Variants in CACNA1E observed in about 807,000 individuals in gnomAD.
CACNA1E encodes the protein voltage-dependent R-type calcium channel subunit alpha-1E.
Under a neutral mutation model 259.2 loss-of-function variants are expected in CACNA1E, and 40 were observed. The ratio of observed to expected loss-of-function variants is 0.15; its 90% CI spans 0.12 to 0.20. CACNA1E has a LOEUF of 0.20. CACNA1E is among the 10% of genes least tolerant of loss of function. The pLI, the probability that CACNA1E is intolerant of heterozygous loss-of-function variation, is 1.00. For missense variants in CACNA1E, 1,874 were observed against 3,040.1 expected, an observed-to-expected ratio of 0.62 and a Z score of 9.02; for synonymous variants, 1,104 against 1,138.5, an observed-to-expected ratio of 0.97 and a Z score of 0.61.
At chr1:181,611,095 C>T (rs1324691508) in intron 6 of CACNA1E, among the ~76,000 whole-genome samples, 1 of 152,154 alleles carries the variant, frequency 6.6e-6, no homozygotes, top group Non-Finnish European at 1.5e-5. Context: ...AATCCATTTC[C>T]ATGATTATGA....
At chr1:181,423,519 A>G (rs1433543357) in intron 2 of CACNA1E, among the ~76,000 whole-genome samples, 1 of 151,982 alleles carries the variant, frequency 6.6e-6, no homozygotes, top group Non-Finnish European at 1.5e-5. Context: ...CCCTGCAGCT[A>G]TGCTGACTTA....
chr1:181,668,850 C>T (rs753382784), intron 7 of CACNA1E: 9 of 151,644 alleles, frequency 5.9e-5, no homozygotes, highest in Middle Eastern at 3.4e-3. Flanking sequence ...GGCAACAACG[C>T]GAGACTCAGT....
chr1:181,339,348 T>G (rs932862972), intron 1 of CACNA1E, among the ~76,000 whole-genome samples: 2 of 152,170 alleles, frequency 1.3e-5, no homozygotes, highest in Non-Finnish European at 2.9e-5. Flanking sequence ...TAATCAATGT[T>G]ATATAGTTTT....
At position 181,629,754 on chromosome 1, in the gene CACNA1E, A is replaced by G. The variant is rs536232986; in HGVS notation, c.952-21584A>G. On this transcript the variant is annotated intron_variant, in intron 6 of 47. Transcript: ENST00000367573. ...AAGCGATTCAAAGGAAAGGCAAACCATATGGCCAATAAACACCTGAAATGA... is the reference window on the plus strand; with the variant it reads ...AAGCGATTCAAAGGAAAGGCAAACCGTATGGCCAATAAACACCTGAAATGA... 3.3e-5 allele frequency among the ~76,000 whole-genome samples: 5 copies of G among 152,210 alleles called. No homozygotes were observed. The South Asian group carries it at 1.0e-3, about 32-fold the overall frequency.
chr1:181,732,587 AGGGCCTGGCCCT>A lies in CACNA1E; in HGVS notation c.2516_2527del (p.Gly839_Leu842del), dbSNP rs763708603. On this transcript the variant is annotated inframe_deletion, in exon 20 of 48. Transcript: ENST00000367573. The surrounding 1 kb of genome is among the most constrained non-coding windows in gnomAD (Gnocchi z 5.5). ...CTTTATCGGCGACCCAGGGCCATTG[AGGGCCTGGCCCT>A]GGGCCTGGCCCTGGAGAAGTTCGAG... 136 of 1,517,934 alleles carry A rather than the reference AGGGCCTGGCCCT, an allele frequency of 9.0e-5. No homozygotes were observed. The highest frequency in any genetic ancestry group is 2.2e-4 in the East Asian group (9 of 40,620). The allele number at this position is 1,517,934 out of a possible 1,614,324, so 94.0% of individuals were successfully genotyped here.
intron 7 of CACNA1E, among the ~76,000 whole-genome samples, chr1:181,674,696 A>G (rs567231724): frequency 5.9e-4 from 90 of 152,154 alleles, no homozygotes; most frequent in African/African-American, 2.0e-3. Context: ...TCTCAGGGGG[A>G]CAGAGGGACT....
intron 6 of CACNA1E, among the ~76,000 whole-genome samples, chr1:181,593,543 CT>C (rs1157083514): frequency 1.3e-5 from 2 of 152,066 alleles, no homozygotes; most frequent in East Asian, 1.9e-4. Flanking sequence ...TGTTTCAGAA[CT>C]TTTTTTCTTT....
At chr1:181,533,046 C>G (rs900131422) in intron 3 of CACNA1E, among the ~76,000 whole-genome samples, 1 of 152,002 alleles carries the variant, frequency 6.6e-6, no homozygotes, top group Non-Finnish European at 1.5e-5. Context: ...TCTTTAGAAG[C>G]TGAGTTAGGA....
chr1:181,369,794 CT>C (rs1022667918), intron 1 of CACNA1E, among the ~76,000 whole-genome samples: 1 of 152,130 alleles, frequency 6.6e-6, no homozygotes, highest in African/African-American at 2.4e-5. Context: ...TCGACTTTGT[CT>C]TTTTAAAAAA....
chr1:181,438,614 C>A (rs952526099), intron 2 of CACNA1E, among the ~76,000 whole-genome samples: 1 of 152,100 alleles, frequency 6.6e-6, no homozygotes, highest in Non-Finnish European at 1.5e-5. Context: ...TATAGAAATA[C>A]AAATATAAAC....
At chr1:181,411,231 G>A (rs61812686) in intron 1 of CACNA1E, among the ~76,000 whole-genome samples, 2,346 of 152,294 alleles carry the variant, frequency 0.015, 22 homozygotes, top group Admixed American at 0.023. Flanking sequence ...AGCAATGTGT[G>A]AGTAACTTTT....
At chr1:181,607,316 T>C (rs1654328462) in intron 6 of CACNA1E, among the ~76,000 whole-genome samples, 1 of 152,238 alleles carries the variant, frequency 6.6e-6, no homozygotes, top group African/African-American at 2.4e-5. Flanking sequence ...ATCAGCTATG[T>C]GTATATAAAC....
In CACNA1E at chr1:181,485,622, G is replaced by C. The variant is rs1663738481; in HGVS notation, c.266+1612G>C. On this transcript the variant is annotated intron_variant, in intron 1 of 47. Transcript: ENST00000367573. The surrounding 1 kb of genome is among the most constrained non-coding windows in gnomAD (Gnocchi z 4.2). ...GGTGGAGGTTTCGGGCGGGGGAGGG[G>C]TCGGGTCCCTGCAGTCACGCCTGCC... is the stretch of plus-strand genomic sequence containing the variant. Among the ~76,000 whole-genome samples the C allele has an allele frequency of 6.6e-6, 1 of 152,172 alleles. No individual in the cohort carries two copies. The highest frequency in any genetic ancestry group is 2.4e-5 in the African/African-American group (1 of 41,428).
At chr1:181,435,111 T>C (rs1053907328) in intron 2 of CACNA1E, among the ~76,000 whole-genome samples, 2 of 152,154 alleles carry the variant, frequency 1.3e-5, no homozygotes, top group African/African-American at 4.8e-5. Flanking sequence ...AGTCAAACCA[T>C]CATAAGCCCA....
chr1:181,661,399 G>T (rs745822215), intron 7 of CACNA1E, among the ~76,000 whole-genome samples: 9 of 152,158 alleles, frequency 5.9e-5, no homozygotes, highest in Non-Finnish European at 7.3e-5. Context: ...AGGTGTTGGG[G>T]GCCAGGTGTC....
At chr1:181,572,530 T>C (rs1307134770) in intron 3 of CACNA1E, among the ~76,000 whole-genome samples, 1 of 152,180 alleles carries the variant, frequency 6.6e-6, no homozygotes, top group Admixed American at 6.5e-5. Flanking sequence ...TCTCCAACTG[T>C]CCTCTGTTGT....
At chr1:181,582,694 C>G (rs1651658634) in intron 6 of CACNA1E, among the ~76,000 whole-genome samples, 1 of 152,120 alleles carries the variant, frequency 6.6e-6, no homozygotes, top group Non-Finnish European at 1.5e-5. Context: ...AACTGAGCAT[C>G]TATTACATGC....
At chr1:181,354,068 T>A (rs543569290) in intron 1 of CACNA1E, among the ~76,000 whole-genome samples, 1 of 152,280 alleles carries the variant, frequency 6.6e-6, no homozygotes, top group South Asian at 2.1e-4. Flanking sequence ...CAAATTGGAA[T>A]CTTACTTTAT....
At chr1:181,333,756 A>G (rs1008743538) in intron 1 of CACNA1E, among the ~76,000 whole-genome samples, 2 of 152,090 alleles carry the variant, frequency 1.3e-5, no homozygotes, top group African/African-American at 4.8e-5. Context: ...CCCAGGCTCA[A>G]GGGATTCTCT....
Sources: allele counts gnomAD v4.1 joint callset (sites outside exome capture counted in the v4.1 genomes callset), GRCh38; gene constraint gnomAD v4.1.1; non-coding constraint Gnocchi (gnomAD v3.1); transcripts MANE v1.5; gene names NCBI Gene and HGNC (gene_info 2026-07-23, HGNC 2026-07-21).